Variants in AGBL4 observed in about 807,000 individuals in gnomAD.
AGBL4 encodes AGBL carboxypeptidase 4.
AGBL4 carries 58 observed loss-of-function variants against 66.4 expected under a neutral mutation model. The ratio of observed to expected loss-of-function variants is 0.87; its 90% confidence interval spans 0.71 to 1.09. AGBL4 has a LOEUF of 1.09. AGBL4 is among the 50% of genes least tolerant of loss of function. The pLI, the probability that AGBL4 is intolerant of heterozygous loss-of-function variation, is 0.00. For synonymous variants in AGBL4, 234 were observed against 222.9 expected, an observed-to-expected ratio of 1.05 and a Z score of -0.44; for missense variants, 579 against 631.0, an observed-to-expected ratio of 0.92 and a Z score of 0.88.
chr1:49,349,643 G>A (rs1415102438), intron 3 of AGBL4, among the ~76,000 whole-genome samples: 1 of 152,022 alleles, frequency 6.6e-6, no homozygotes, highest in African/African-American at 2.4e-5. Flanking sequence ...TGTACTTTTT[G>A]GATAAATTTC....
At chr1:48,598,067 C>G (rs1645022202) in intron 9 of AGBL4, among the ~76,000 whole-genome samples, 1 of 152,274 alleles carries the variant, frequency 6.6e-6, no homozygotes, top group Admixed American at 6.5e-5. Context: ...AGGCCAGTAG[C>G]CAGATTGTGA....
At chr1:48,683,429 T>C (rs747844457) in intron 6 of AGBL4, among the ~76,000 whole-genome samples, 3 of 152,228 alleles carry the variant, frequency 2.0e-5, no homozygotes, top group Non-Finnish European at 4.4e-5. Context: ...CCCAGCCTTC[T>C]GCCACTCCAC....
At chr1:49,373,229 T>C (rs753023319) in intron 3 of AGBL4, among the ~76,000 whole-genome samples, 71 of 152,356 alleles carry the variant, frequency 4.7e-4, no homozygotes, top group Admixed American at 2.6e-3. Context: ...GAGAACTCTT[T>C]GTGAGCAAAA....
intron 3 of AGBL4, among the ~76,000 whole-genome samples, chr1:49,266,920 A>C (rs1308860293): frequency 6.6e-6 from 1 of 152,198 alleles, no homozygotes. Context: ...TTTCAGAAAA[A>C]GCACCTAAGG....
At chr1:49,604,348 T>C (rs2124187036) in intron 3 of AGBL4, among the ~76,000 whole-genome samples, 1 of 152,372 alleles carries the variant, frequency 6.6e-6, no homozygotes, top group South Asian at 2.1e-4. Context: ...CATTGCTTCA[T>C]ATGTTTGTTG....
At chr1:49,414,979 T>TA (rs1645396276) in intron 3 of AGBL4, among the ~76,000 whole-genome samples, 1 of 152,156 alleles carries the variant, frequency 6.6e-6, no homozygotes, top group Non-Finnish European at 1.5e-5. Context: ...CATCAAATGC[T>TA]AATCCAACCC....
chr1:48,743,029 G>T (rs932190681), intron 6 of AGBL4, among the ~76,000 whole-genome samples: 17 of 152,308 alleles, frequency 1.1e-4, no homozygotes, highest in Non-Finnish European at 2.1e-4. Flanking sequence ...GGGTGTCATT[G>T]TCTAAATGGA....
intron 1 of AGBL4, among the ~76,000 whole-genome samples, chr1:49,853,961 A>G (rs902447320): frequency 2.6e-5 from 4 of 152,042 alleles, no homozygotes; most frequent in Non-Finnish European, 5.9e-5. Flanking sequence ...GGGAAATAAT[A>G]CCAGATATAA....
At chr1:49,833,216 A>G (rs1645747026) in intron 2 of AGBL4, among the ~76,000 whole-genome samples, 1 of 152,212 alleles carries the variant, frequency 6.6e-6, no homozygotes, top group South Asian at 2.1e-4. Flanking sequence ...ACATATGGCT[A>G]GCCAGTTTTC....
chr1:49,290,342 G>A (rs761307817), intron 3 of AGBL4, among the ~76,000 whole-genome samples: 1 of 152,240 alleles, frequency 6.6e-6, no homozygotes, highest in East Asian at 1.9e-4. Flanking sequence ...AGCGATCTGA[G>A]GACAAGTTCT....
chr1:48,995,766 G>A (rs905793468), intron 5 of AGBL4, among the ~76,000 whole-genome samples: 1 of 152,166 alleles, frequency 6.6e-6, no homozygotes, highest in Non-Finnish European at 1.5e-5. Context: ...CATAGTCACT[G>A]AGTGGAAGGG....
At chr1:49,786,102 A>C (rs1557444877) in intron 2 of AGBL4, among the ~76,000 whole-genome samples, 1 of 152,046 alleles carries the variant, frequency 6.6e-6, no homozygotes, top group African/African-American at 2.4e-5. Flanking sequence ...CTGGATTACA[A>C]GAATAGCAAA....
intron 3 of AGBL4, among the ~76,000 whole-genome samples, chr1:49,384,321 C>G (rs982363499): frequency 6.6e-6 from 1 of 151,778 alleles, no homozygotes; most frequent in Non-Finnish European, 1.5e-5. Context: ...CGGCTGGGCT[C>G]GGTGGCTCAT....
chr1:49,501,839 A>G (rs1040397357), intron 3 of AGBL4, among the ~76,000 whole-genome samples: 6 of 151,966 alleles, frequency 3.9e-5, no homozygotes, highest in Non-Finnish European at 8.8e-5. Flanking sequence ...ATATAGTTTA[A>G]TGTCTCTTTT....
chr1:49,147,412 T>TGAGA (rs375695478), intron 4 of AGBL4, among the ~76,000 whole-genome samples: 1 of 151,870 alleles, frequency 6.6e-6, no homozygotes, highest in African/African-American at 2.4e-5. Flanking sequence ...CATGTCAGCT[T>TGAGA]GAGAGAGAGA....
intron 2 of AGBL4, among the ~76,000 whole-genome samples, chr1:49,793,092 A>G (rs1644642692): frequency 6.6e-6 from 1 of 152,016 alleles, no homozygotes; most frequent in South Asian, 2.1e-4. Flanking sequence ...TCTTATTTTT[A>G]TTCAAAGCAC....
intron 6 of AGBL4, among the ~76,000 whole-genome samples, chr1:48,831,763 C>T (rs541026935): frequency 1.5e-4 from 23 of 152,236 alleles, no homozygotes; most frequent in African/African-American, 5.3e-4. Context: ...CATACATAAT[C>T]GGTACACAAT....
chr1:49,260,070 C>A (rs1273691479), intron 3 of AGBL4, among the ~76,000 whole-genome samples: 2 of 150,112 alleles, frequency 1.3e-5, no homozygotes, highest in South Asian at 2.1e-4. Context: ...GGGTACATAA[C>A]AAAATGAAGG....
chr1:49,058,556 C>G (rs1033979294), intron 4 of AGBL4, among the ~76,000 whole-genome samples: 6 of 152,306 alleles, frequency 3.9e-5, no homozygotes, highest in Admixed American at 3.9e-4. Flanking sequence ...TTCTTCATAG[C>G]AGCCTGAGAA....
Sources: gnomAD v4.1 joint callset for allele counts (sites outside exome capture counted in the v4.1 genomes callset) on GRCh38, gnomAD v4.1.1 for gene constraint, MANE v1.5 for transcripts, NCBI Gene and HGNC (gene_info 2026-07-23, HGNC 2026-07-21) for gene names.